Variants in MRPS21 observed in about 807,000 individuals in gnomAD.
MRPS21 encodes the protein mitochondrial ribosomal protein S21.
Under a neutral mutation model 9.9 loss-of-function variants are expected in MRPS21, and 8 were observed. The observed-to-expected ratio is 0.81, with a 90% CI of 0.47 to 1.45. MRPS21 has a LOEUF of 1.45. MRPS21 is among the 40% of genes most tolerant of loss of function. MRPS21 has a pLI of 0.00. For synonymous variants in MRPS21, 40 were observed against 40.3 expected, an observed-to-expected ratio of 0.99 and a Z score of 0.03; for missense variants, 101 against 118.9, an observed-to-expected ratio of 0.85 and a Z score of 0.70.
intron 2 of MRPS21, among the ~76,000 whole-genome samples, chr1:150,302,269 A>G (rs905296490): frequency 6.6e-6 from 1 of 152,186 alleles, no homozygotes; most frequent in Non-Finnish European, 1.5e-5. Flanking sequence ...GAAATAGCCT[A>G]CGTGTCTGTC....
intron 2 of MRPS21, chr1:150,304,230 G>C (rs782491454): frequency 7.1e-5 from 21 of 296,400 alleles, no homozygotes; most frequent in Non-Finnish European, 1.3e-4. Flanking sequence ...AGAATTGCTT[G>C]AACCTGAGAG....
intron 2 of MRPS21, among the ~76,000 whole-genome samples, chr1:150,301,649 C>T (rs1039929091): frequency 1.3e-5 from 2 of 150,020 alleles, no homozygotes; most frequent in Non-Finnish European, 3.0e-5. Context: ...CGGAGTCTCT[C>T]TCTGTTGCCC....
At chr1:150,301,713 C>A (rs1183102422) in intron 2 of MRPS21, among the ~76,000 whole-genome samples, 3 of 151,288 alleles carry the variant, frequency 2.0e-5, no homozygotes, top group Admixed American at 2.0e-4. Context: ...TCAAGTGATT[C>A]TCCTGCCTCA....
At chr1:150,307,929 C>T (rs1350725248) in intron 2 of MRPS21, 119 bp from the exon 3 acceptor site, 3 of 1,008,746 alleles carry the variant, frequency 3.0e-6, no homozygotes, top group East Asian at 5.3e-5. Flanking sequence ...CTATTGCCAC[C>T]ATTTCCCACT....
chr1:150,303,151 C>T (rs1654207701), intron 2 of MRPS21, among the ~76,000 whole-genome samples: 1 of 152,182 alleles, frequency 6.6e-6, no homozygotes, highest in Non-Finnish European at 1.5e-5. Context: ...CCTTCCTCCT[C>T]TTGCAGTGTT....
chr1:150,295,156 C>T (rs994387218), intron 2 of MRPS21, among the ~76,000 whole-genome samples: 70 of 151,772 alleles, frequency 4.6e-4, no homozygotes, highest in Non-Finnish European at 6.9e-4. Context: ...CCACCACGCC[C>T]GGTTAATTTT....
At chr1:150,294,529 T>C in intron 2 of MRPS21, 80 bp downstream of exon 2, 3 of 1,235,568 alleles carry the variant, frequency 2.4e-6, no homozygotes, top group Non-Finnish European at 1.2e-6. Context: ...CTTTCGTTGA[T>C]TGTTCTCAAA....
intron 2 of MRPS21, among the ~76,000 whole-genome samples, chr1:150,295,906 A>G (rs1553856481): frequency 6.6e-6 from 1 of 152,096 alleles, no homozygotes; most frequent in Non-Finnish European, 1.5e-5. Context: ...CTTCATTGAA[A>G]ATTTTTGAAT....
At chr1:150,300,963 C>A (rs782320934) in intron 2 of MRPS21, among the ~76,000 whole-genome samples, 4 of 150,026 alleles carry the variant, frequency 2.7e-5, no homozygotes, top group Non-Finnish European at 5.9e-5. Context: ...TTTGGGAGGC[C>A]GAGGCGGGTG....
At chr1:150,305,120 C>G (rs1460130912) in intron 2 of MRPS21, 1 of 240,846 alleles carries the variant, frequency 4.2e-6, no homozygotes, top group African/African-American at 2.4e-5. Flanking sequence ...GTCTCAACCT[C>G]CTGGGATAAA....
At chr1:150,300,534 TAAC>T (rs1206342783) in intron 2 of MRPS21, among the ~76,000 whole-genome samples, 1 of 152,234 alleles carries the variant, frequency 6.6e-6, no homozygotes, top group Non-Finnish European at 1.5e-5. Context: ...GAAGTGTCGT[TAAC>T]AGCAGAGGAG....
chr1:150,306,995 C>T (rs587617732), intron 2 of MRPS21, among the ~76,000 whole-genome samples: 2 of 151,986 alleles, frequency 1.3e-5, no homozygotes, highest in East Asian at 3.9e-4. Context: ...ATAACTTTGA[C>T]TATAAACTCT....
chr1:150,296,521 T>A lies in MRPS21; in HGVS notation c.83+2072T>A, dbSNP rs1002737577. ...AGACTGTAGTGTGAGTGCACTCTTG[T>A]TGTGCCTGTGAATAACCACTCCACT... On this transcript the variant is annotated intron_variant, in intron 2 of 2. Coordinates refer to ENST00000614145, the MANE Select transcript of MRPS21 (RefSeq NM_031901.6). Among the ~76,000 whole-genome samples the A allele has an allele frequency of 1.3e-5, 2 of 152,290 alleles. 1 individual carries two copies. Among genetic ancestry groups the A allele is most frequent in the East Asian group, 3.9e-4 (2 of 5,176 alleles).
rs782787804 is a variant in MRPS21, at chr1:150,297,289, T to TA, written c.83+2841dup. On this transcript the variant is annotated intron_variant, in intron 2 of 2. Coordinates refer to ENST00000614145, the MANE Select transcript of MRPS21 (RefSeq NM_031901.6). ...CTGGGCAACAGAGCGAGACTCTGTC[T>TA]ACAAAAAAAAAAAGAAAAAATGCTG... Among the ~76,000 whole-genome samples the TA allele has an allele frequency of 3.4e-4, 35 of 104,094 alleles. 1 individual carries two copies. The highest frequency in any genetic ancestry group is 6.0e-4 in the African/African-American group (19 of 31,518). The allele number at this position is 104,094 out of a possible 152,430, so 68.3% of individuals were successfully genotyped here.
chr1:150,308,111 C>T lies in MRPS21; in HGVS notation c.147C>T (p.Cys49=). ...ATCGGCGGTATTATGAGAAGCCATG[C>T]TGCCGGCGACAGAGGGAAAGCTATG... ...IKHRRYYEKP[C]CRRQRESYER... is the part of the protein sequence containing the mutation. Residue 49 remains cysteine, a synonymous_variant, in exon 3 of 3, where the codon TGC becomes TGT. Transcript: ENST00000614145. The T allele has an allele frequency of 6.2e-7, 1 of 1,607,290 alleles. No individual in the cohort carries two copies. Among genetic ancestry groups the T allele is most frequent in the Non-Finnish European group, 8.5e-7 (1 of 1,174,194 alleles).
At chr1:150,307,781 T>C (rs1282072407) in intron 2 of MRPS21, among the ~76,000 whole-genome samples, 1 of 152,094 alleles carries the variant, frequency 6.6e-6, no homozygotes, top group Non-Finnish European at 1.5e-5. Context: ...GGTTTTGCCA[T>C]GTTGCCTAGG....
chr1:150,300,342 CA>C (rs143575603), intron 2 of MRPS21, among the ~76,000 whole-genome samples: 152 of 133,426 alleles, frequency 1.1e-3, no homozygotes, highest in Non-Finnish European at 7.8e-4. Flanking sequence ...GACCCTGTCT[CA>C]AAAAAAAAAA....
At chr1:150,294,614 CT>C (rs1204976445) in intron 2 of MRPS21, among the ~76,000 whole-genome samples, 165 bp downstream of exon 2, 1 of 152,038 alleles carries the variant, frequency 6.6e-6, no homozygotes, top group African/African-American at 2.4e-5. Context: ...AAATGAAGTT[CT>C]GGGCCGGGCG....
chr1:150,298,669 T>G (rs1248654024), intron 2 of MRPS21, among the ~76,000 whole-genome samples: 1 of 152,170 alleles, frequency 6.6e-6, no homozygotes, highest in African/African-American at 2.4e-5. Context: ...TGGCGCAATC[T>G]CTGCTCACTG....
Sources: gnomAD v4.1 joint callset for allele counts (sites outside exome capture counted in the v4.1 genomes callset) on GRCh38, gnomAD v4.1.1 for gene constraint, MANE v1.5 for transcripts, NCBI Gene and HGNC (gene_info 2026-07-23, HGNC 2026-07-21) for gene names.